FRMD4A: variants seen among roughly 807,000 people sequenced by gnomAD.
The protein encoded by FRMD4A is FERM domain containing 4A, also known as FERM domain-containing protein 4A.
Under a neutral mutation model 129.1 loss-of-function variants are expected in FRMD4A, and 29 were observed. The ratio of observed to expected loss-of-function variants is 0.22; its 90% CI spans 0.17 to 0.31. The LOEUF (loss-of-function observed/expected upper bound fraction) is 0.31. Ranked by LOEUF, FRMD4A falls within the 10% of genes least tolerant of loss-of-function variation. FRMD4A has a pLI of 1.00. For missense variants in FRMD4A, 1,272 were observed against 1,375.8 expected (o/e 0.92, Z 1.19); for synonymous variants, 634 against 571.6 (o/e 1.11, Z -1.56).
chr10:13,885,701 G>A (rs1382920857), intron 2 of FRMD4A, among the ~76,000 whole-genome samples: 1 of 152,182 alleles, frequency 6.6e-6, no homozygotes, highest in Non-Finnish European at 1.5e-5. Flanking sequence ...CTTGCTAACA[G>A]TAGCCCTTGT....
chr10:13,875,905 C>T (rs1050593641), intron 2 of FRMD4A, among the ~76,000 whole-genome samples: 2 of 151,986 alleles, frequency 1.3e-5, no homozygotes, highest in Non-Finnish European at 2.9e-5. Context: ...AATGGGGGTT[C>T]GGGGGAACTT....
intron 2 of FRMD4A, among the ~76,000 whole-genome samples, chr10:14,146,770 C>A (rs1840096873): frequency 3.3e-5 from 5 of 152,168 alleles, no homozygotes; most frequent in Non-Finnish European, 7.3e-5. Flanking sequence ...CAGGGACAAC[C>A]ATGAATTAAG....
At chr10:13,932,550 T>C (rs1440770913) in intron 2 of FRMD4A, among the ~76,000 whole-genome samples, 1 of 152,194 alleles carries the variant, frequency 6.6e-6, no homozygotes, top group Non-Finnish European at 1.5e-5. Flanking sequence ...CTTACAATTG[T>C]GTTGCCTTCC....
At chr10:14,089,456 C>T (rs1035565429) in intron 2 of FRMD4A, among the ~76,000 whole-genome samples, 1 of 152,118 alleles carries the variant, frequency 6.6e-6, no homozygotes, top group Non-Finnish European at 1.5e-5. Flanking sequence ...CTCCCCCGCC[C>T]TCCCCGCAGC....
intron 17 of FRMD4A, among the ~76,000 whole-genome samples, chr10:13,669,861 T>C (rs1045007794): frequency 6.6e-6 from 1 of 152,210 alleles, no homozygotes; most frequent in African/African-American, 2.4e-5. Flanking sequence ...TGGACGTAGC[T>C]TCTCCAAACA....
intron 2 of FRMD4A, among the ~76,000 whole-genome samples, chr10:14,266,863 A>G (rs1844998519): frequency 6.6e-6 from 1 of 152,244 alleles, no homozygotes. Context: ...ATAAAAATAC[A>G]TAGAGTAGTC....
At chr10:13,937,948 T>C (rs1395196463) in intron 2 of FRMD4A, among the ~76,000 whole-genome samples, 1 of 152,206 alleles carries the variant, frequency 6.6e-6, no homozygotes, top group Non-Finnish European at 1.5e-5. Context: ...ATAAACTTCT[T>C]GTGAAAAAAT....
rs1400824488 is a variant in FRMD4A at position 14,127,982 on chromosome 10, C to CTTTCTTTCTTTCTTTCTTTCTT, written c.45+202075_45+202076insAAGAAAGAAAGAAAGAAAGAAA. Among the ~76,000 whole-genome samples the CTTTCTTTCTTTCTTTCTTTCTT allele has an allele frequency of 2.2e-3, 182 of 81,260 alleles. 15 individuals are homozygous for CTTTCTTTCTTTCTTTCTTTCTT. The highest frequency in any genetic ancestry group is 0.012 in the African/African-American group (164 of 13,490). 53.3% of individuals were successfully genotyped at this position (81,260 alleles called of 152,430 possible). Reference sequence around the variant, plus strand: ...TCTTTCTTTCTTTCTTTCTTTCCTTCTCTCTCTCTCTCTCTCTCTTTCTTT... The same window carrying CTTTCTTTCTTTCTTTCTTTCTT: ...TCTTTCTTTCTTTCTTTCTTTCCTTCTTTCTTTCTTTCTTTCTTTCTTTCTCTCTCTCTCTCTCTCTTTCTTT... On this transcript the variant is annotated intron_variant, in intron 2 of 24. Transcript: ENST00000357447.
chr10:13,903,314 T>A (rs778681930), intron 2 of FRMD4A, among the ~76,000 whole-genome samples: 22 of 152,240 alleles, frequency 1.4e-4, no homozygotes, highest in Non-Finnish European at 3.2e-4. Context: ...TACCATTTAT[T>A]TACTTAGCTG....
At chr10:13,786,789 G>A (rs1049857550) in intron 5 of FRMD4A, among the ~76,000 whole-genome samples, 3 of 152,062 alleles carry the variant, frequency 2.0e-5, no homozygotes, top group African/African-American at 4.8e-5. Context: ...TGAAGTTGAC[G>A]GTGGCCTTTG....
intron 12 of FRMD4A, among the ~76,000 whole-genome samples, chr10:13,725,905 T>C (rs183185609): frequency 6.6e-6 from 1 of 152,330 alleles, no homozygotes; most frequent in East Asian, 1.9e-4. Context: ...TGGAGAAAAT[T>C]AGACTACATC....
rs1589445261 is a variant in FRMD4A at position 13,701,614 on chromosome 10, C to T, written c.837-136G>A. ...GATGATAGATGAGCTCTCACATACA[C>T]CTAGGCGTACACACACACACATGCG... is the stretch of plus-strand genomic sequence containing the variant. On this transcript the variant is annotated intron_variant, in intron 13 of 24. Transcript: ENST00000357447. 2.7e-5 allele frequency: 19 copies of T among 706,886 alleles called. No individual in the cohort carries two copies. In the South Asian group the frequency reaches 3.3e-4, roughly 12 times the overall value. The allele number at this position is 706,886 out of a possible 1,614,324, so 43.8% of individuals were successfully genotyped here. A position where few individuals can be genotyped will look rare whatever the true frequency, so the allele number is the denominator to read the frequency against.
intron 2 of FRMD4A, among the ~76,000 whole-genome samples, chr10:13,948,363 T>G (rs1054081821): frequency 1.6e-4 from 25 of 152,082 alleles, no homozygotes; most frequent in African/African-American, 6.0e-4. Flanking sequence ...GAAATCTATT[T>G]TACATATTCG....
intron 2 of FRMD4A, among the ~76,000 whole-genome samples, chr10:14,252,658 A>C (rs1343791495): frequency 2.0e-5 from 3 of 152,258 alleles, no homozygotes; most frequent in Non-Finnish European, 4.4e-5. Flanking sequence ...CATTTCTGGC[A>C]ATGTTAACTT....
intron 2 of FRMD4A, among the ~76,000 whole-genome samples, chr10:13,925,742 C>A (rs2095126801): frequency 6.6e-6 from 1 of 151,390 alleles, no homozygotes; most frequent in African/African-American, 2.4e-5. Flanking sequence ...CACCACCACG[C>A]CTGAATAATT....
At chr10:14,217,844 G>C (rs1228855319) in intron 2 of FRMD4A, among the ~76,000 whole-genome samples, 1 of 138,604 alleles carries the variant, frequency 7.2e-6, no homozygotes, top group East Asian at 2.1e-4. Context: ...TTTTTTTTTT[G>C]CTTTGAGACA....
At chr10:13,666,461 C>T (rs542959357) in intron 17 of FRMD4A, 136 bp from the exon 18 acceptor site, 6 of 638,148 alleles carry the variant, frequency 9.4e-6, no homozygotes, top group Admixed American at 2.7e-5. Context: ...CTAAAATCTG[C>T]ACCCACTGAA....
At chr10:13,949,301 C>CAAAAAAAA (rs34006963) in intron 2 of FRMD4A, among the ~76,000 whole-genome samples, 1 of 98,822 alleles carries the variant, frequency 1.0e-5, no homozygotes, top group African/African-American at 4.8e-5. Context: ...TTCTAGTGAT[C>CAAAAAAAA]AAAAAAAAAA....
At chr10:13,728,573 C>CTTTTTTTTTTTTTTTT (rs10706168) in intron 12 of FRMD4A, among the ~76,000 whole-genome samples, 3,319 of 78,086 alleles carry the variant, frequency 0.043, 734 homozygotes, top group African/African-American at 0.056. Flanking sequence ...GATTACCATT[C>CTTTTTTTTTTTTTTTT]TTTTTTTTTT....
Sources: allele counts gnomAD v4.1 joint callset (sites outside exome capture counted in the v4.1 genomes callset), GRCh38; gene constraint gnomAD v4.1.1; transcripts MANE v1.5; gene names NCBI Gene and HGNC (gene_info 2026-07-23, HGNC 2026-07-21).